PLAGL1: variants seen among roughly 807,000 people sequenced by gnomAD.
The protein encoded by PLAGL1 is PLAG1 like zinc finger 1.
In PLAGL1, 1 loss-of-function variant was observed where a neutral mutation model predicts 4.6. The ratio of observed to expected loss-of-function variants is 0.22; its 90% confidence interval spans 0.08 to 1.03. The LOEUF (loss-of-function observed/expected upper bound fraction) is 1.03, where lower values mean the gene tolerates loss of function less well. Among genes scored for constraint, PLAGL1 ranks in the 50% least tolerant of loss-of-function variants. PLAGL1 has a pLI of 0.58. For synonymous variants in PLAGL1, 240 were observed against 237.8 expected (o/e 1.01, Z -0.08); for missense variants, 464 against 570.4 (o/e 0.81, Z 1.90).
At chr6:143,991,683 C>G (rs1790507791) in intron 1 of PLAGL1, among the ~76,000 whole-genome samples, 1 of 150,670 alleles carries the variant, frequency 6.6e-6, no homozygotes, top group Non-Finnish European at 1.5e-5. Context: ...GGTGCCCACC[C>G]AGGCCTACAC....
intron 6 of PLAGL1, among the ~76,000 whole-genome samples, chr6:143,956,964 G>A (rs190060532): frequency 6.6e-5 from 10 of 152,332 alleles, no homozygotes; most frequent in Non-Finnish European, 1.0e-4. Flanking sequence ...CATATAGCAC[G>A]GAAGCAAGGG....
intron 1 of PLAGL1, among the ~76,000 whole-genome samples, chr6:143,998,428 G>A (rs1792137355): frequency 6.6e-6 from 1 of 152,130 alleles, no homozygotes; most frequent in African/African-American, 2.4e-5. Context: ...CTAACTATAT[G>A]GTGTTAGGAA....
At position 143,990,203 on chromosome 6, in the gene PLAGL1, C is replaced by A. The variant is rs1790148512; in HGVS notation, c.-583-5029G>T. On this transcript the variant is annotated intron_variant, in intron 1 of 7. Coordinates refer to ENST00000674357, the MANE Select transcript of PLAGL1 (RefSeq NM_001317162.2). The surrounding 1 kb of genome is among the most constrained non-coding windows in gnomAD (Gnocchi z 5.4). ...TGGCATGATCTCAGCTCACTGCAACCTCCGCCTACCGGGTTCAAGCGATTA... is the reference window on the plus strand; with the variant it reads ...TGGCATGATCTCAGCTCACTGCAACATCCGCCTACCGGGTTCAAGCGATTA... 6.6e-6 allele frequency among the ~76,000 whole-genome samples: 1 copy of A among 152,078 alleles called. No homozygotes were observed. Among genetic ancestry groups the A allele is most frequent in the Non-Finnish European group, 1.5e-5 (1 of 68,022 alleles).
chr6:144,062,995 G>T (rs996984089), intron 1 of PLAGL1, among the ~76,000 whole-genome samples: 2 of 152,104 alleles, frequency 1.3e-5, no homozygotes, highest in Non-Finnish European at 2.9e-5. Flanking sequence ...ATCCTCCACC[G>T]GCTGGAGCTG....
At chr6:144,023,405 T>A (rs909393026) in intron 1 of PLAGL1, among the ~76,000 whole-genome samples, 1 of 152,044 alleles carries the variant, frequency 6.6e-6, no homozygotes, top group Non-Finnish European at 1.5e-5. Context: ...CAGGATGGAA[T>A]GCAGACAGCG....
At chr6:144,009,611 A>G (rs751401758), upstream of PLAGL1, among the ~76,000 whole-genome samples, 4 of 152,048 alleles carry the variant, frequency 2.6e-5, no homozygotes, top group African/African-American at 4.8e-5. Context: ...GGTTTGCTGC[A>G]CTCATCAACC....
At chr6:144,046,724 G>A (rs1177331727) in intron 1 of PLAGL1, among the ~76,000 whole-genome samples, 1 of 152,244 alleles carries the variant, frequency 6.6e-6, no homozygotes, top group African/African-American at 2.4e-5. Flanking sequence ...TCTCTTCAGA[G>A]CTGTCAGACA....
Position 143,979,113 on chromosome 6 carries a change from T to A in PLAGL1, c.-544+6022A>T, listed in dbSNP as rs1331371133. ...ATACAGTCACCACAGTTTTAAAAAA[T>A]CAGTGCTAAAAATGATATTTTTTTC... On this transcript the variant is annotated intron_variant, in intron 2 of 7. Coordinates refer to ENST00000674357, the MANE Select transcript of PLAGL1 (RefSeq NM_001317162.2). This position sits in a 1 kb window ranked among gnomAD's most constrained non-coding sequence, Gnocchi z 4.6. 6.6e-6 allele frequency among the ~76,000 whole-genome samples: 1 copy of A among 152,198 alleles called. No individual in the cohort carries two copies. The highest frequency in any genetic ancestry group is 2.4e-5 in the African/African-American group (1 of 41,460).
chr6:143,982,460 C>T lies in PLAGL1; in HGVS notation c.-544+2675G>A, dbSNP rs140366745. Among the ~76,000 whole-genome samples the T allele has an allele frequency of 6.6e-6, 1 of 152,048 alleles. No homozygotes were observed. The highest frequency in any genetic ancestry group is 1.5e-5 in the Non-Finnish European group (1 of 68,006). ...ATAGGAGATGATAAGCCTCCGTAAG[C>T]GAGATGGGAAGGACTGGAGACACTG... On this transcript the variant is annotated intron_variant, in intron 2 of 7. Coordinates refer to ENST00000674357, the MANE Select transcript of PLAGL1 (RefSeq NM_001317162.2). The surrounding 1 kb of genome is among the most constrained non-coding windows in gnomAD (Gnocchi z 5.3).
Position 143,970,388 on chromosome 6 carries a change from A to C in PLAGL1, c.-543-1410T>G, listed in dbSNP as rs1054370356. Among the ~76,000 whole-genome samples, 3 of 152,236 alleles carry C rather than the reference A, an allele frequency of 2.0e-5. No individual in the cohort carries two copies. The highest frequency in any genetic ancestry group is 7.2e-5 in the African/African-American group (3 of 41,460). On this transcript the variant is annotated intron_variant, in intron 2 of 7. Coordinates refer to ENST00000674357, the MANE Select transcript of PLAGL1 (RefSeq NM_001317162.2). The surrounding 1 kb of genome is among the most constrained non-coding windows in gnomAD (Gnocchi z 5.8). ...AGTATTTTAACAACCTCATTAACAT[A>C]CAAATGATTAACTACAAATGATTAG...
Position 143,972,689 on chromosome 6 carries a change from T to C in PLAGL1, c.-543-3711A>G, listed in dbSNP as rs905919051. On this transcript the variant is annotated intron_variant, in intron 2 of 7. Transcript: ENST00000674357. The surrounding 1 kb of genome is among the most constrained non-coding windows in gnomAD (Gnocchi z 6.8). ...AACGTAGCTTCCAAGTTCAAAGATG[T>C]TTTAAAATATAATGAATGAAAGATG... 6.6e-6 allele frequency among the ~76,000 whole-genome samples: 1 copy of C among 152,164 alleles called. No individual in the cohort carries two copies.
intron 7 of PLAGL1, among the ~76,000 whole-genome samples, chr6:143,943,408 G>T (rs1779084499): frequency 6.6e-6 from 1 of 152,052 alleles, no homozygotes; most frequent in Non-Finnish European, 1.5e-5. Context: ...TCAAGCCATG[G>T]ACATGTAACT....
chr6:144,025,830 T>A (rs964539897), intron 1 of PLAGL1, among the ~76,000 whole-genome samples: 2 of 151,760 alleles, frequency 1.3e-5, no homozygotes, highest in Admixed American at 6.6e-5. Context: ...GAGGTGGAGG[T>A]TGCAGTGAGC....
At chr6:144,043,782 A>AT (rs1262202922) in intron 1 of PLAGL1, among the ~76,000 whole-genome samples, 1 of 152,142 alleles carries the variant, frequency 6.6e-6, no homozygotes, top group African/African-American at 2.4e-5. Context: ...CTCTGGTAGA[A>AT]TTTGGCTGTG....
At chr6:143,981,161 T>A (rs1787850253) in intron 2 of PLAGL1, among the ~76,000 whole-genome samples, 1 of 148,296 alleles carries the variant, frequency 6.7e-6, no homozygotes, top group South Asian at 2.1e-4. Flanking sequence ...TAGACTAGTC[T>A]AGGGCTAATT....
rs1420692825 is a variant in PLAGL1 at position 143,979,912 on chromosome 6, A to C, written c.-544+5223T>G. 6.6e-6 allele frequency among the ~76,000 whole-genome samples: 1 copy of C among 152,032 alleles called. No homozygotes were observed. Among genetic ancestry groups the C allele is most frequent in the Non-Finnish European group, 1.5e-5 (1 of 67,944 alleles). On this transcript the variant is annotated intron_variant, in intron 2 of 7. Transcript: ENST00000674357. The surrounding 1 kb of genome is among the most constrained non-coding windows in gnomAD (Gnocchi z 4.6). ...CTTTCAGCTTTAGTACATCTGAAAA[A>C]GTCTTTATTTCACCTGTTATTTTCC...
rs979851922 is a variant in PLAGL1 at position 144,013,855 on chromosome 6, A to G, written c.-150-44877T>C. On this transcript the variant is annotated intron_variant, in intron 1 of 3. Coordinates refer to the PLAGL1 transcript ENST00000437412. The surrounding 1 kb of genome is among the most constrained non-coding windows in gnomAD (Gnocchi z 4.4). Reference sequence around the variant, plus strand: ...TCCTCATTTCAAGATCCGTAACTTAAGTCACATCTGCAAAGACCCTTTTAT... The same window carrying G: ...TCCTCATTTCAAGATCCGTAACTTAGGTCACATCTGCAAAGACCCTTTTAT... 6.6e-6 allele frequency among the ~76,000 whole-genome samples: 1 copy of G among 152,204 alleles called. No homozygotes were observed. The highest frequency in any genetic ancestry group is 2.4e-5 in the African/African-American group (1 of 41,456).
intron 1 of PLAGL1, among the ~76,000 whole-genome samples, chr6:144,057,196 G>T (rs527381848): frequency 1.3e-4 from 20 of 152,312 alleles, no homozygotes; most frequent in Non-Finnish European, 1.5e-4. Context: ...AACTGCCAAA[G>T]TTCCTTGCAA....
In PLAGL1 at chr6:143,947,244, A is replaced by G. The variant is rs1307429332; in HGVS notation, c.152+741T>C. On this transcript the variant is annotated intron_variant, in intron 7 of 7. Coordinates refer to ENST00000674357, the MANE Select transcript of PLAGL1 (RefSeq NM_001317162.2). The surrounding 1 kb of genome is among the most constrained non-coding windows in gnomAD (Gnocchi z 4.3). ...CAAGTTGAGAAACTGTGTTCCAAAC[A>G]TTTAAACTTGGAGATGTCTCCTCCT... Among the ~76,000 whole-genome samples the G allele has an allele frequency of 6.6e-6, 1 of 152,192 alleles. No individual in the cohort carries two copies. The highest frequency in any genetic ancestry group is 1.5e-5 in the Non-Finnish European group (1 of 68,032).
Sources: gnomAD v4.1 joint callset for allele counts (sites outside exome capture counted in the v4.1 genomes callset) on GRCh38, gnomAD v4.1.1 for gene constraint, Gnocchi (gnomAD v3.1) non-coding constraint, MANE v1.5 for transcripts, NCBI Gene and HGNC (gene_info 2026-07-23, HGNC 2026-07-21) for gene names.